Variants in GPR174 observed in about 807,000 individuals in gnomAD.
GPR174 encodes the protein probable G protein-coupled receptor 174.
In GPR174, 8 loss-of-function variants were observed where a neutral mutation model predicts 16.5. The observed-to-expected ratio is 0.48, with a 90% CI of 0.28 to 0.87. The LOEUF (loss-of-function observed/expected upper bound fraction) is 0.87, where lower values mean the gene tolerates loss of function less well. GPR174 is among the 40% of genes least tolerant of loss of function. GPR174 has a pLI of 0.09. For missense variants in GPR174, 214 were observed against 247.5 expected (o/e 0.86, Z 0.91); for synonymous variants, 111 against 94.8 (o/e 1.17, Z -0.99).
intron 2 of GPR174, among the ~76,000 whole-genome samples, chrX:79,158,125 T>C (rs1921143048): frequency 9.4e-6 from 1 of 106,169 alleles, no homozygotes; most frequent in South Asian, 4.5e-4. Flanking sequence ...ATATATGGGT[T>C]TATTGGGTAT....
intron 2 of GPR174, among the ~76,000 whole-genome samples, chrX:79,160,777 T>C (rs750423892): frequency 1.6e-3 from 182 of 111,834 alleles, no homozygotes; most frequent in African/African-American, 5.5e-3. Context: ...ACAAACTCAG[T>C]AGAAGTCTAA....
At chrX:79,170,268 T>C (rs1264234577) in intron 2 of GPR174, among the ~76,000 whole-genome samples, 184 bp from the exon 3 acceptor site, 2 of 111,607 alleles carry the variant, frequency 1.8e-5, no homozygotes, top group African/African-American at 3.3e-5. Context: ...CTAGATTACT[T>C]CTCATGTTCT....
At chrX:79,162,472 A>G (rs1921259199) in intron 2 of GPR174, among the ~76,000 whole-genome samples, 1 of 112,351 alleles carries the variant, frequency 8.9e-6, no homozygotes, top group Admixed American at 9.4e-5. Flanking sequence ...TCAGTGGCCA[A>G]TATCAAATAA....
At chrX:79,167,288 T>C (rs1475973042) in intron 2 of GPR174, among the ~76,000 whole-genome samples, 2 of 111,958 alleles carry the variant, frequency 1.8e-5, no homozygotes, top group Non-Finnish European at 3.8e-5. Context: ...GTAGATCCTT[T>C]GGCTCCACTC....
Position 79,174,442 on chromosome X carries a change from C to CT in GPR174, c.*2436dup, listed in dbSNP as rs1166679137. The CT allele has an allele frequency of 1.9e-5, 2 of 108,074 alleles. No homozygotes were observed. Among genetic ancestry groups the CT allele is most frequent in the Admixed American group, 2.0e-4 (2 of 9,957 alleles). The allele number at this position is 108,074 out of a possible 1,213,427, so 8.9% of individuals were successfully genotyped here. ...TACCCAGGAATATCTGAATTCCAGGCTTTAGGACTAGGCATTAAACCAAAG... is the reference window on the plus strand; with the variant it reads ...TACCCAGGAATATCTGAATTCCAGGCTTTTAGGACTAGGCATTAAACCAAAG... On this transcript the variant is annotated 3_prime_UTR_variant, in exon 3 of 3. Transcript: ENST00000645147.
intron 1 of GPR174, among the ~76,000 whole-genome samples, chrX:79,149,311 T>C (rs970918621): frequency 6.2e-5 from 7 of 112,070 alleles, no homozygotes; most frequent in Non-Finnish European, 7.5e-5. Flanking sequence ...TTTTACCTTT[T>C]TTTCCCCTTT....
chrX:79,166,998 C>G (rs752195416), intron 2 of GPR174, among the ~76,000 whole-genome samples: 1 of 111,486 alleles, frequency 9.0e-6, no homozygotes, highest in African/African-American at 3.3e-5. Context: ...CAAGAGATCA[C>G]AAAAACCTCA....
chrX:79,144,990 C>CTT lies in GPR174; in HGVS notation c.-879_-878dup, dbSNP rs1227416665. On this transcript the variant is annotated 5_prime_UTR_variant, in exon 1 of 3. Coordinates refer to ENST00000645147, the MANE Select transcript of GPR174 (RefSeq NM_032553.3). Reference sequence around the variant, plus strand: ...TCTCTTTCTTTCTTTTTCTTTCTTTCTTTCTCTCTCTCTCTCTTTCTTTCT... The same window carrying CTT: ...TCTCTTTCTTTCTTTTTCTTTCTTTCTTTTTCTCTCTCTCTCTCTTTCTTTCT... The CTT allele has an allele frequency of 2.1e-5, 1 of 47,674 alleles. No individual in the cohort carries two copies. The highest frequency in any genetic ancestry group is 4.2e-5 in the Non-Finnish European group (1 of 23,915). The allele number at this position is 47,674 out of a possible 1,213,427, so 3.9% of individuals were successfully genotyped here.
chrX:79,166,443 T>TTC (rs1921370394), intron 2 of GPR174, among the ~76,000 whole-genome samples: 2 of 75,797 alleles, frequency 2.6e-5, no homozygotes, highest in African/African-American at 5.1e-5. Flanking sequence ...TTTTTTTTTT[T>TTC]TTTTTTTTTT....
At chrX:79,156,123 A>G (rs1313284796) in intron 1 of GPR174, among the ~76,000 whole-genome samples, 1 of 112,377 alleles carries the variant, frequency 8.9e-6, no homozygotes. Context: ...CTTTATCAGT[A>G]GATTCCTGGA....
At chrX:79,168,075 A>C (rs1209846651) in intron 2 of GPR174, among the ~76,000 whole-genome samples, 6 of 112,496 alleles carry the variant, frequency 5.3e-5, no homozygotes, top group Non-Finnish European at 1.1e-4. Flanking sequence ...CAAAAGTAAA[A>C]ATGAAGCCCT....
chrX:79,153,559 C>G, intron 1 of GPR174, among the ~76,000 whole-genome samples: 1 of 111,214 alleles, frequency 9.0e-6, no homozygotes, highest in Non-Finnish European at 1.9e-5. Context: ...GGGGAACGGA[C>G]AGGAATAGGT....
chrX:79,163,527 C>T (rs1414595092), intron 2 of GPR174, among the ~76,000 whole-genome samples: 1 of 111,621 alleles, frequency 9.0e-6, no homozygotes, highest in Non-Finnish European at 1.9e-5. Flanking sequence ...TGATTTGTAA[C>T]TCAAACTGTA....
At chrX:79,157,043 A>G (rs1569279702) in intron 2 of GPR174, 125 bp downstream of exon 2, 2 of 112,145 alleles carry the variant, frequency 1.8e-5, no homozygotes, top group African/African-American at 3.2e-5. Context: ...TTGCTGGTCT[A>G]CTTGATAGAT....
At position 79,161,940 on chromosome X, in the gene GPR174, T is replaced by G. The variant is rs150889089; in HGVS notation, c.-557+5022T>G. On this transcript the variant is annotated intron_variant, in intron 2 of 2. Transcript: ENST00000645147. Reference sequence around the variant, plus strand: ...GGTGATGCTTTTTCTTCAACTGACTTGCTTTCGTTTTTACTTTCTTTGATT... The same window carrying G: ...GGTGATGCTTTTTCTTCAACTGACTGGCTTTCGTTTTTACTTTCTTTGATT... 4.1e-3 allele frequency among the ~76,000 whole-genome samples: 464 copies of G among 111,829 alleles called. 1 individual carries two copies. Among genetic ancestry groups the G allele is most frequent in the Non-Finnish European group, 7.2e-3 (381 of 53,094 alleles).
rs1926454416 is a variant in GPR174, at chrX:79,144,866, C to T, written c.-1005C>T. On this transcript the variant is annotated 5_prime_UTR_variant, in exon 1 of 3. Transcript: ENST00000645147. ...TTACTTTTATTTATTTTCTTCCCTC[C>T]CTCCTTCTCTCCTGTATTCATTCCT... 9.5e-6 allele frequency: 1 copy of T among 105,512 alleles called. No individual in the cohort carries two copies. The highest frequency in any genetic ancestry group is 2.0e-5 in the Non-Finnish European group (1 of 51,035). The allele number at this position is 105,512 out of a possible 1,213,427, so 8.7% of individuals were successfully genotyped here.
At chrX:79,155,411 A>AAAT (rs1921073474) in intron 1 of GPR174, among the ~76,000 whole-genome samples, 1 of 111,285 alleles carries the variant, frequency 9.0e-6, no homozygotes, top group Non-Finnish European at 1.9e-5. Context: ...AATAATTTAA[A>AAAT]AATAACTTTA....
intron 1 of GPR174, among the ~76,000 whole-genome samples, chrX:79,153,411 G>C (rs748360999): frequency 9.0e-6 from 1 of 111,530 alleles, no homozygotes; most frequent in Non-Finnish European, 1.9e-5. Context: ...GCAGGAAATG[G>C]GCCAAAGAGT....
intron 1 of GPR174, among the ~76,000 whole-genome samples, chrX:79,153,829 G>T (rs1284294526): frequency 2.7e-5 from 3 of 111,615 alleles, no homozygotes; most frequent in South Asian, 7.5e-4. Context: ...TAAAACTTAG[G>T]TTCTAGTTCT....
Sources: allele counts gnomAD v4.1 joint callset (sites outside exome capture counted in the v4.1 genomes callset), GRCh38; gene constraint gnomAD v4.1.1; transcripts MANE v1.5; gene names NCBI Gene and HGNC (gene_info 2026-07-23, HGNC 2026-07-21).